The following PRR16 variants were observed in gnomAD, a reference collection of about 807,000 sequenced individuals.
The protein encoded by PRR16 is proline rich 16.
A neutral mutation model predicts 18.2 loss-of-function variants in PRR16; 6 were observed. The ratio of observed to expected loss-of-function variants is 0.33; its 90% CI spans 0.18 to 0.65. The LOEUF (loss-of-function observed/expected upper bound fraction) is 0.65. Among genes scored for constraint, PRR16 ranks in the 30% least tolerant of loss-of-function variants. The pLI, the probability that PRR16 is intolerant of heterozygous loss-of-function variation, is 0.74. For missense variants in PRR16, 412 were observed against 376.6 expected (o/e 1.09, Z -0.78); for synonymous variants, 151 against 147.8 (o/e 1.02, Z -0.16).
chr5:120,705,265 A>T, the PRR16 span, among the ~76,000 whole-genome samples: 1 of 152,070 alleles, frequency 6.6e-6, no homozygotes, highest in Admixed American at 6.5e-5. Context: ...TTTTATTCAG[A>T]TTTTCTGATG....
intron 1 of PRR16, among the ~76,000 whole-genome samples, chr5:120,667,142 T>C (rs1325450141): frequency 6.6e-6 from 1 of 152,216 alleles, no homozygotes; most frequent in African/African-American, 2.4e-5. Flanking sequence ...TCCGATCCTG[T>C]TATTGGTCTC....
chr5:120,555,720 C>A (rs772863160), intron 1 of PRR16, among the ~76,000 whole-genome samples: 136 of 151,270 alleles, frequency 9.0e-4, no homozygotes, highest in Middle Eastern at 3.4e-3. Flanking sequence ...ACATTTAGTC[C>A]ACAATAAGGC....
chr5:120,744,409 G>A, the PRR16 span, among the ~76,000 whole-genome samples: 13,101 of 152,194 alleles, frequency 0.086, 737 homozygotes, highest in South Asian at 0.12. Context: ...GGGGATTGGG[G>A]AAGGAGACAG....
At chr5:120,731,629 A>G in the PRR16 span, among the ~76,000 whole-genome samples, 2 of 152,156 alleles carry the variant, frequency 1.3e-5, no homozygotes, top group Non-Finnish European at 2.9e-5. Context: ...AAGACAGAAA[A>G]TGCAAGGGGC....
chr5:120,560,090 A>C (rs1371880497), intron 1 of PRR16, among the ~76,000 whole-genome samples: 1 of 151,966 alleles, frequency 6.6e-6, no homozygotes. Context: ...AACATGGATA[A>C]TTTGGTATCT....
At chr5:120,599,419 A>G (rs1459359465) in intron 1 of PRR16, among the ~76,000 whole-genome samples, 1 of 151,892 alleles carries the variant, frequency 6.6e-6, no homozygotes, top group African/African-American at 2.4e-5. Context: ...ATTTATATTT[A>G]CTCACTGGTT....
chr5:120,647,028 A>G (rs141570088), intron 1 of PRR16, among the ~76,000 whole-genome samples: 54 of 152,082 alleles, frequency 3.6e-4, no homozygotes, highest in African/African-American at 1.3e-3. Flanking sequence ...ATATTAAAAA[A>G]TGTTTAATAT....
the PRR16 span, among the ~76,000 whole-genome samples, chr5:120,719,588 A>G: frequency 6.6e-6 from 1 of 152,062 alleles, no homozygotes; most frequent in African/African-American, 2.4e-5. Flanking sequence ...GAATAGTACG[A>G]TGATTTGTGA....
Position 120,546,590 on chromosome 5 carries a change from C to A in PRR16, c.159+81945C>A, listed in dbSNP as rs112271389. 1.7e-3 allele frequency among the ~76,000 whole-genome samples: 262 copies of A among 152,218 alleles called. 1 individual carries two copies. Among genetic ancestry groups the A allele is most frequent in the African/African-American group, 5.8e-3 (242 of 41,554 alleles). ...GTGTTTAACTTGAGGAGACAGGTAT[C>A]ATGATTTGTCAACTAACACTGCTTA... On this transcript the variant is annotated intron_variant, in intron 1 of 1. Coordinates refer to ENST00000407149, the MANE Select transcript of PRR16 (RefSeq NM_001300783.2).
the PRR16 span, among the ~76,000 whole-genome samples, chr5:120,740,396 T>C: frequency 3.3e-5 from 5 of 152,220 alleles, no homozygotes; most frequent in African/African-American, 1.2e-4. Flanking sequence ...TACTTCCATG[T>C]GAAACTTATA....
intron 1 of PRR16, among the ~76,000 whole-genome samples, chr5:120,508,199 G>T (rs144562246): frequency 1.7e-4 from 26 of 152,114 alleles, no homozygotes; most frequent in Admixed American, 3.3e-4. Flanking sequence ...GGAATATCAT[G>T]CAAGGAGACA....
chr5:120,508,286 TG>T (rs1750710552), intron 1 of PRR16, among the ~76,000 whole-genome samples: 3 of 152,170 alleles, frequency 2.0e-5, no homozygotes, highest in Admixed American at 2.0e-4. Flanking sequence ...ACTATACACT[TG>T]TGGTTGTTAC....
the PRR16 span, among the ~76,000 whole-genome samples, chr5:120,764,817 A>G: frequency 6.6e-6 from 1 of 152,076 alleles, no homozygotes; most frequent in African/African-American, 2.4e-5. Flanking sequence ...ATAATTAATA[A>G]TTAGCACTTT....
intron 1 of PRR16, among the ~76,000 whole-genome samples, chr5:120,493,494 C>T (rs1403816893): frequency 6.6e-6 from 1 of 151,958 alleles, no homozygotes; most frequent in African/African-American, 2.4e-5. Flanking sequence ...TGTAGATTCT[C>T]ATGCAGTTAT....
At chr5:120,747,694 C>T in the PRR16 span, among the ~76,000 whole-genome samples, 4 of 151,610 alleles carry the variant, frequency 2.6e-5, no homozygotes, top group Admixed American at 6.6e-5. Flanking sequence ...TAGAATAAGG[C>T]GCTTTTTAGA....
intron 1 of PRR16, among the ~76,000 whole-genome samples, chr5:120,580,936 T>C (rs1282252855): frequency 6.6e-6 from 1 of 152,230 alleles, no homozygotes; most frequent in African/African-American, 2.4e-5. Context: ...CAGTATTTTA[T>C]TGAGGATTTT....
chr5:120,755,222 AT>A, the PRR16 span, among the ~76,000 whole-genome samples: 7 of 152,032 alleles, frequency 4.6e-5, no homozygotes, highest in South Asian at 2.1e-4. Flanking sequence ...TCTAAAAAAA[AT>A]AAAAAATAAT....
At chr5:120,493,212 C>T (rs1750125935) in intron 1 of PRR16, among the ~76,000 whole-genome samples, 1 of 152,130 alleles carries the variant, frequency 6.6e-6, no homozygotes, top group Non-Finnish European at 1.5e-5. Flanking sequence ...ACATCTACAC[C>T]AACATCAACT....
chr5:120,477,408 T>C (rs533458241), intron 1 of PRR16, among the ~76,000 whole-genome samples: 1 of 152,268 alleles, frequency 6.6e-6, no homozygotes, highest in African/African-American at 2.4e-5. Context: ...TGGGAGTCTT[T>C]ATTAATTCCT....
Sources: allele counts gnomAD v4.1 joint callset (sites outside exome capture counted in the v4.1 genomes callset), GRCh38; gene constraint gnomAD v4.1.1; transcripts MANE v1.5; gene names NCBI Gene and HGNC (gene_info 2026-07-23, HGNC 2026-07-21).